CTSD: variants seen among roughly 807,000 people sequenced by gnomAD.
CTSD encodes the protein cathepsin D, also known as ceroid-lipofuscinosis, neuronal 10.
A neutral mutation model predicts 43.6 loss-of-function variants in CTSD; 28 were observed. The observed-to-expected ratio is 0.64, with a 90% CI of 0.48 to 0.88. The LOEUF is 0.88. CTSD is among the 40% of genes least tolerant of loss of function. The pLI, the probability that CTSD is intolerant of heterozygous loss-of-function variation, is 0.00. For synonymous variants in CTSD, 270 were observed against 249.8 expected, an observed-to-expected ratio of 1.08 and a Z score of -0.76; for missense variants, 485 against 555.2, an observed-to-expected ratio of 0.87 and a Z score of 1.27.
In CTSD at chr11:1,761,181, G is replaced by C; in HGVS notation, c.228+128C>G. The C allele has an allele frequency of 3.0e-6, 3 of 992,652 alleles. No individual in the cohort carries two copies. The South Asian group carries it at 4.0e-5, about 13-fold the overall frequency. The allele number at this position is 992,652 out of a possible 1,614,324, so 61.5% of individuals were successfully genotyped here. A position where few individuals can be genotyped will look rare whatever the true frequency, so the allele number is the denominator to read the frequency against. On this transcript the variant is annotated intron_variant, in intron 2 of 8. Transcript: ENST00000236671. ...GAAAGGAGTGTGGCTGAGCCGGGAC[G>C]CCACCGTGGCCAGGTGAGCCACTCA...
Position 1,763,781 on chromosome 11 carries a change from T to C in CTSD, c.68+11A>G. The C allele has an allele frequency of 6.6e-7, 1 of 1,523,484 alleles. No individual in the cohort carries two copies. Among genetic ancestry groups the C allele is most frequent in the Non-Finnish European group, 8.8e-7 (1 of 1,142,034 alleles). 94.4% of individuals were successfully genotyped at this position (1,523,484 alleles called of 1,614,324 possible). A position where few individuals can be genotyped will look rare whatever the true frequency, so the allele number is the denominator to read the frequency against. On this transcript the variant is annotated intron_variant, in intron 1 of 8. Coordinates refer to ENST00000236671, the MANE Select transcript of CTSD (RefSeq NM_001909.5). ...CTGCCCGTCCCTGAGCCCCGGCCCC[T>C]GAGGCTTCACCTGACGAGCGCGGAG... is the stretch of plus-strand genomic sequence containing the variant.
rs1258957118 is a variant in CTSD at position 1,759,562 on chromosome 11, G to A, written c.306C>T (p.Asn102=). ...TGCAGTGGATGGAGGGGACCCACAG[G>A]TTGGAGGAGCCCGTGTCGAAGACGA... ...FTVVFDTGSS[N]LWVPSIHCKL... Residue 102 remains asparagine (N), a synonymous_variant, in exon 3 of 9, where the codon AAC becomes AAT. Transcript: ENST00000236671. The A allele has an allele frequency of 1.2e-6, 2 of 1,613,574 alleles. No individual in the cohort carries two copies. Among genetic ancestry groups the A allele is most frequent in the Admixed American group, 1.7e-5 (1 of 60,028 alleles).
At chr11:1,761,532 G>C in intron 1 of CTSD, 64 bp from the exon 2 acceptor site, 1 of 1,564,480 alleles carries the variant, frequency 6.4e-7, no homozygotes, top group Non-Finnish European at 8.8e-7. Context: ...CGCTGCCAAT[G>C]CTGCACATCC....
Position 1,763,896 on chromosome 11 carries a change from C to T in CTSD, c.-37G>A, listed in dbSNP as rs756112449. ...CCGGGTCGGAGAGGGTCGCCGAGGC[C>T]GTGCGCTTATAGCCGGGATGACGCC... On this transcript the variant is annotated 5_prime_UTR_variant, in exon 1 of 9. Coordinates refer to ENST00000236671, the MANE Select transcript of CTSD (RefSeq NM_001909.5). The T allele has an allele frequency of 2.8e-5, 43 of 1,508,782 alleles. No individual in the cohort carries two copies. Among genetic ancestry groups the T allele is most frequent in the Non-Finnish European group, 3.6e-5 (41 of 1,131,908 alleles). 93.5% of individuals were successfully genotyped at this position (1,508,782 alleles called of 1,614,324 possible).
rs1845915345 is a variant in CTSD at position 1,763,897 on chromosome 11, G to T, written c.-38C>A. The T allele has an allele frequency of 1.3e-6, 2 of 1,504,614 alleles. No homozygotes were observed. The highest frequency in any genetic ancestry group is 8.9e-7 in the Non-Finnish European group (1 of 1,128,342). The allele number at this position is 1,504,614 out of a possible 1,614,324, so 93.2% of individuals were successfully genotyped here. On this transcript the variant is annotated 5_prime_UTR_variant, in exon 1 of 9. Transcript: ENST00000236671. ...CGGGTCGGAGAGGGTCGCCGAGGCC[G>T]TGCGCTTATAGCCGGGATGACGCCG...
rs768013885 is a variant in CTSD at position 1,759,085 on chromosome 11, T to A, written c.355A>T (p.Ile119Phe). 6.2e-7 allele frequency: 1 copy of A among 1,612,278 alleles called. No homozygotes were observed. Among genetic ancestry groups the A allele is most frequent in the East Asian group, 2.2e-5 (1 of 44,852 alleles). The part of the protein sequence containing the change: ...HCKLLDIACW[I>F]HHKYNSDKSS... ...TTGTCGCTGTTGTACTTGTGGTGGA[T>A]CCCTGCCCCGGGCGACAAGGGGGCC... Residue 119 changes from isoleucine to phenylalanine, a missense_variant and splice_region_variant, in exon 4 of 9, where the codon ATC becomes TTC. Ile to Phe is a conservative substitution (Grantham distance 21, BLOSUM62 0). Transcript: ENST00000236671.
intron 5 of CTSD, among the ~76,000 whole-genome samples, chr11:1,755,748 A>G (rs2133660593): frequency 6.6e-6 from 1 of 152,216 alleles, no homozygotes; most frequent in South Asian, 2.1e-4. Context: ...GCTGGCCACC[A>G]TCCCACTGCC....
intron 4 of CTSD, 110 bp downstream of exon 4, chr11:1,758,859 T>A (rs914146686): frequency 1.2e-6 from 1 of 837,868 alleles, no homozygotes; most frequent in African/African-American, 1.7e-5. Context: ...ACCTGAGGGC[T>A]GGGGTTGGGC....
chr11:1,757,307 G>A lies in CTSD; in HGVS notation c.704+17C>T. ...GCCTCCCAGCAACGCGGAGCGAGAG[G>A]GAACCCACACGCCCACCTGCTCAGG... On this transcript the variant is annotated intron_variant, in intron 5 of 8. Coordinates refer to ENST00000236671, the MANE Select transcript of CTSD (RefSeq NM_001909.5). The A allele has an allele frequency of 6.2e-7, 1 of 1,606,696 alleles. No homozygotes were observed. Among genetic ancestry groups the A allele is most frequent in the Non-Finnish European group, 8.5e-7 (1 of 1,174,376 alleles).
intron 6 of CTSD, among the ~76,000 whole-genome samples, chr11:1,754,438 G>A (rs939078500): frequency 1.4e-4 from 19 of 138,140 alleles, no homozygotes; most frequent in Admixed American, 2.9e-4. Context: ...TGGAGGGATG[G>A]AGGGATGGAG....
At chr11:1,754,297 G>A (rs1288774938) in intron 6 of CTSD, 159 bp from the exon 7 acceptor site, 2 of 816,972 alleles carry the variant, frequency 2.4e-6, no homozygotes, top group Admixed American at 2.2e-5. Context: ...GGAAGAGGGT[G>A]GGAGAGGAGA....
In CTSD at chr11:1,753,915, C is replaced by T. The variant is rs1354741089; in HGVS notation, c.973-14G>A. 1.9e-6 allele frequency: 3 copies of T among 1,612,804 alleles called. No homozygotes were observed. The highest frequency in any genetic ancestry group is 3.3e-5 in the Admixed American group (2 of 59,958). The stretch of plus-strand genomic sequence containing the variant: ...GGGGATCATGTACTAAGAGGGGTCA[C>T]AGCAGTGTCAGGGTGGTAGTGGTGG... On this transcript the variant is annotated splice_polypyrimidine_tract_variant and intron_variant, in intron 7 of 8. Coordinates refer to ENST00000236671, the MANE Select transcript of CTSD (RefSeq NM_001909.5).
At position 1,759,104 on chromosome 11, in the gene CTSD, G is replaced by A. The variant is rs7126177; in HGVS notation, c.353-17C>T. On this transcript the variant is annotated splice_polypyrimidine_tract_variant and intron_variant, in intron 3 of 8. Transcript: ENST00000236671. Reference sequence around the variant, plus strand: ...GGTGGATCCCTGCCCCGGGCGACAAGGGGGCCCGCCGGTCATCCCGCAGCC... The same window carrying A: ...GGTGGATCCCTGCCCCGGGCGACAAAGGGGCCCGCCGGTCATCCCGCAGCC... The A allele has an allele frequency of 0.012, 18,243 of 1,576,698 alleles. 1,800 individuals are homozygous for A. The African/African-American group carries it at 0.22, about 19-fold the overall frequency.
chr11:1,755,075 C>A, intron 5 of CTSD, 47 bp from the exon 6 acceptor site: 1 of 1,612,092 alleles, frequency 6.2e-7, no homozygotes, highest in South Asian at 1.1e-5. Flanking sequence ...CCCCCAAGCA[C>A]AAGAGTGCCA....
chr11:1,755,144 T>C, intron 5 of CTSD, 116 bp from the exon 6 acceptor site: 1 of 1,248,244 alleles, frequency 8.0e-7, no homozygotes, highest in Non-Finnish European at 1.2e-6. Context: ...GGAGGGGCCT[T>C]TCTGAAACTG....
intron 4 of CTSD, among the ~76,000 whole-genome samples, chr11:1,758,701 C>T (rs1217688440): frequency 6.6e-6 from 1 of 152,180 alleles, no homozygotes; most frequent in Admixed American, 6.5e-5. Flanking sequence ...AGAGCCCGAT[C>T]GATCTGCCCT....
intron 8 of CTSD, 51 bp from the exon 9 acceptor site, chr11:1,753,721 C>A (rs781262160): frequency 1.0e-4 from 169 of 1,609,840 alleles, no homozygotes; most frequent in East Asian, 2.5e-4. Context: ...CCCGCCCCCC[C>A]ACCTGTTGCC....
intron 1 of CTSD, 140 bp from the exon 2 acceptor site, chr11:1,761,608 G>A (rs1845879212): frequency 7.7e-6 from 7 of 911,730 alleles, no homozygotes; most frequent in Non-Finnish European, 1.2e-5. Context: ...CTGTCACCTG[G>A]AAACTGCTGG....
chr11:1,754,706 GA>G (rs1326373471), intron 6 of CTSD, among the ~76,000 whole-genome samples, 199 bp downstream of exon 6: 6 of 150,496 alleles, frequency 4.0e-5, no homozygotes, highest in African/African-American at 1.5e-4. Context: ...GGGATAGAGG[GA>G]ATAGAGGGGA....
Sources: gnomAD v4.1 joint callset for allele counts (sites outside exome capture counted in the v4.1 genomes callset) on GRCh38, gnomAD v4.1.1 for gene constraint, MANE v1.5 for transcripts, NCBI Gene and HGNC (gene_info 2026-07-23, HGNC 2026-07-21) for gene names.